The following CSMD1 variants were observed in gnomAD, a reference collection of about 807,000 sequenced individuals.
The protein encoded by CSMD1 is CUB and Sushi multiple domains 1.
Under a neutral mutation model 417.5 loss-of-function variants are expected in CSMD1, and 213 were observed. The ratio of observed to expected loss-of-function variants is 0.51; its 90% CI spans 0.46 to 0.57. CSMD1 has a LOEUF of 0.57. CSMD1 is among the 20% of genes least tolerant of loss of function. CSMD1 has a pLI of 0.00. For synonymous variants in CSMD1, 2,862 were observed against 1,736.8 expected (o/e 1.65, Z -16.11); for missense variants, 6,923 against 4,529.7 (o/e 1.53, Z -15.17).
intron 21 of CSMD1, among the ~76,000 whole-genome samples, chr8:3,351,498 C>G (rs934288173): frequency 2.0e-5 from 3 of 151,236 alleles, no homozygotes; most frequent in Admixed American, 1.3e-4. Context: ...GTAATCCCAG[C>G]TACTTCGGAG....
chr8:3,070,923 C>T (rs767670760), intron 49 of CSMD1, among the ~76,000 whole-genome samples: 1 of 152,218 alleles, frequency 6.6e-6, no homozygotes, highest in East Asian at 1.9e-4. Flanking sequence ...GTTTGATTGG[C>T]TCATGGTTCT....
intron 1 of CSMD1, among the ~76,000 whole-genome samples, chr8:4,801,546 C>G (rs752325962): frequency 3.1e-4 from 47 of 152,008 alleles, no homozygotes; most frequent in Non-Finnish European, 5.9e-4. Flanking sequence ...AGAAACAAAT[C>G]TTTTCTATTA....
intron 26 of CSMD1, among the ~76,000 whole-genome samples, chr8:3,269,365 C>A (rs528491409): frequency 3.3e-4 from 50 of 152,348 alleles, no homozygotes; most frequent in African/African-American, 1.2e-3. Flanking sequence ...CCTTCATAGG[C>A]AGAGAAACTT....
At chr8:3,498,140 C>T (rs1304276787) in intron 10 of CSMD1, among the ~76,000 whole-genome samples, 1 of 152,174 alleles carries the variant, frequency 6.6e-6, no homozygotes, top group African/African-American at 2.4e-5. Context: ...TCTCCCCTAG[C>T]CTGTAACGGT....
chr8:3,904,002 G>A (rs2627421), intron 5 of CSMD1, among the ~76,000 whole-genome samples: 4,860 of 151,976 alleles, frequency 0.032, 258 homozygotes, highest in African/African-American at 0.11. Context: ...ATGTCCTACC[G>A]TCCTATCTGC....
At chr8:3,068,694 C>G (rs1236540132) in intron 49 of CSMD1, among the ~76,000 whole-genome samples, 1 of 152,066 alleles carries the variant, frequency 6.6e-6, no homozygotes, top group Non-Finnish European at 1.5e-5. Context: ...AGAAGAGGAG[C>G]AAGACAGAGT....
intron 10 of CSMD1, among the ~76,000 whole-genome samples, chr8:3,502,110 A>C (rs1038273549): frequency 1.3e-5 from 2 of 152,102 alleles, no homozygotes; most frequent in Non-Finnish European, 2.9e-5. Flanking sequence ...GTCCACACAA[A>C]TCCCAGCACT....
intron 16 of CSMD1, among the ~76,000 whole-genome samples, chr8:3,396,698 T>C (rs546196851): frequency 1.8e-4 from 28 of 152,138 alleles, no homozygotes; most frequent in Non-Finnish European, 3.2e-4. Context: ...GATTGATAGA[T>C]AGATAGATAG....
In CSMD1 at chr8:3,199,673, A is replaced by G. The variant is rs541105632; in HGVS notation, c.5194+41T>C. 13 of 1,371,032 alleles carry G rather than the reference A, an allele frequency of 9.5e-6. 1 individual carries two copies. The South Asian group carries it at 1.7e-4, about 18-fold the overall frequency. The allele number at this position is 1,371,032 out of a possible 1,614,324, so 84.9% of individuals were successfully genotyped here. On this transcript the variant is annotated intron_variant, in intron 33 of 69. Transcript: ENST00000635120. ...CTAGCCGTGGGTGCAGCATCAGGAA[A>G]GACCACAGTGACATGTGGAGACATG... is the stretch of plus-strand genomic sequence containing the variant.
At chr8:3,036,620 G>T (rs151273483) in intron 50 of CSMD1, among the ~76,000 whole-genome samples, 3 of 152,106 alleles carry the variant, frequency 2.0e-5, no homozygotes, top group African/African-American at 7.2e-5. Context: ...AGAAAAACTG[G>T]TGTTAGTTCT....
intron 8 of CSMD1, among the ~76,000 whole-genome samples, chr8:3,615,111 C>T (rs1802072596): frequency 6.6e-6 from 1 of 152,148 alleles, no homozygotes; most frequent in South Asian, 2.1e-4. Flanking sequence ...AAACCAGCAT[C>T]CTTCTGTTAG....
At chr8:4,295,393 C>T (rs868257436) in intron 3 of CSMD1, among the ~76,000 whole-genome samples, 141 of 143,306 alleles carry the variant, frequency 9.8e-4, no homozygotes, top group African/African-American at 3.4e-3. Context: ...CACATATAAT[C>T]TTAAGATTAT....
chr8:4,427,150 G>A (rs1414698635), intron 2 of CSMD1, among the ~76,000 whole-genome samples: 1 of 151,292 alleles, frequency 6.6e-6, no homozygotes, highest in Non-Finnish European at 1.5e-5. Flanking sequence ...GGGGTGGTGA[G>A]GACAGAATCT....
intron 3 of CSMD1, among the ~76,000 whole-genome samples, chr8:4,060,073 C>G (rs1167460307): frequency 6.6e-6 from 1 of 152,196 alleles, no homozygotes; most frequent in Non-Finnish European, 1.5e-5. Context: ...AATCCAGCAG[C>G]ACACCAAAAA....
intron 12 of CSMD1, among the ~76,000 whole-genome samples, chr8:3,427,762 T>C (rs957700174): frequency 4.6e-5 from 7 of 152,214 alleles, no homozygotes; most frequent in Admixed American, 6.5e-5. Flanking sequence ...TAATAACCTA[T>C]CTTAATGAAA....
chr8:4,251,511 T>C (rs1803070549), intron 3 of CSMD1, among the ~76,000 whole-genome samples: 1 of 152,180 alleles, frequency 6.6e-6, no homozygotes, highest in Non-Finnish European at 1.5e-5. Flanking sequence ...AAGATAGTTA[T>C]ATCAAAATAA....
intron 41 of CSMD1, among the ~76,000 whole-genome samples, chr8:3,134,204 C>CAAAAGAAAG (rs890664954): frequency 2.0e-5 from 3 of 151,998 alleles, no homozygotes; most frequent in African/African-American, 7.2e-5. Context: ...AAAAGAAAAA[C>CAAAAGAAAG]AAAAGAAAGA....
chr8:4,962,957 G>A (rs1488003058), intron 1 of CSMD1, among the ~76,000 whole-genome samples: 1 of 152,110 alleles, frequency 6.6e-6, no homozygotes, highest in African/African-American at 2.4e-5. Context: ...ACATGGGTTG[G>A]CGCTGGGAAA....
intron 4 of CSMD1, among the ~76,000 whole-genome samples, chr8:4,016,456 G>A (rs1796528404): frequency 1.3e-5 from 2 of 152,248 alleles, no homozygotes; most frequent in East Asian, 1.9e-4. Flanking sequence ...ACGTCTCCAG[G>A]TCTCAGGCCT....
Sources: gnomAD v4.1 joint callset for allele counts (sites outside exome capture counted in the v4.1 genomes callset) on GRCh38, gnomAD v4.1.1 for gene constraint, MANE v1.5 for transcripts, NCBI Gene and HGNC (gene_info 2026-07-23, HGNC 2026-07-21) for gene names.